Variants in SYNPO2 observed in about 807,000 individuals in gnomAD.
The protein encoded by SYNPO2 is synaptopodin-2.
In SYNPO2, 56 loss-of-function variants were observed where a neutral mutation model predicts 85.0. That is an observed-to-expected ratio of 0.66 (90% confidence interval 0.53 to 0.82). The LOEUF (loss-of-function observed/expected upper bound fraction) is 0.82. SYNPO2 is among the 40% of genes least tolerant of loss of function. The probability of loss-of-function intolerance (pLI) is 0.00; values close to 1 mark genes in which losing one functional copy is unlikely to be tolerated. For synonymous variants in SYNPO2, 602 were observed against 591.1 expected, an observed-to-expected ratio of 1.02 and a Z score of -0.27; for missense variants, 1,575 against 1,534.2, an observed-to-expected ratio of 1.03 and a Z score of -0.44.
At chr4:118,998,275 G>A (rs138926607) in intron 1 of SYNPO2, among the ~76,000 whole-genome samples, 26 of 152,274 alleles carry the variant, frequency 1.7e-4, no homozygotes, top group Admixed American at 3.3e-4. Context: ...CAAGGATGAA[G>A]CATTATTTGT....
chr4:118,860,173 C>T (rs1398587687), intron 1 of SYNPO2, among the ~76,000 whole-genome samples: 1 of 152,170 alleles, frequency 6.6e-6, no homozygotes, highest in Non-Finnish European at 1.5e-5. Context: ...TAACATTAAA[C>T]ACCTTTTCAC....
chr4:118,881,165 A>G (rs1298821059), intron 1 of SYNPO2, among the ~76,000 whole-genome samples: 1 of 151,662 alleles, frequency 6.6e-6, no homozygotes, highest in African/African-American at 2.4e-5. Context: ...AGCCGGGTGT[A>G]GTGGCGGGCG....
At chr4:118,893,973 A>G (rs896889590) in intron 1 of SYNPO2, among the ~76,000 whole-genome samples, 3 of 151,750 alleles carry the variant, frequency 2.0e-5, no homozygotes, top group East Asian at 1.9e-4. Context: ...GTACCCCATA[A>G]TACATGCAAC....
intron 1 of SYNPO2, among the ~76,000 whole-genome samples, chr4:118,916,054 A>G (rs1338671438): frequency 6.6e-6 from 1 of 152,062 alleles, no homozygotes; most frequent in East Asian, 1.9e-4. Context: ...TTTTCATATT[A>G]CGCTTTGTTC....
rs531661502 is a variant in SYNPO2 at position 118,990,171 on chromosome 4, A to G, written c.106-33259A>G. ...TGTTTTCTCCTCTGCAAGTATGGGTAATAATACCTATCATATTGGATTATT... is the reference window on the plus strand; with the variant it reads ...TGTTTTCTCCTCTGCAAGTATGGGTGATAATACCTATCATATTGGATTATT... On this transcript the variant is annotated intron_variant, in intron 1 of 4. Coordinates refer to ENST00000307142, the MANE Select transcript of SYNPO2 (RefSeq NM_133477.3). 5.0e-4 allele frequency among the ~76,000 whole-genome samples: 76 copies of G among 152,250 alleles called. No individual in the cohort carries two copies. The South Asian group carries it at 0.014, about 29-fold the overall frequency.
intron 1 of SYNPO2, among the ~76,000 whole-genome samples, chr4:118,894,877 C>T (rs916897884): frequency 3.3e-5 from 5 of 151,306 alleles, no homozygotes; most frequent in African/African-American, 1.2e-4. Flanking sequence ...GAAGAATATA[C>T]ACTTCTTGTT....
intron 4 of SYNPO2, among the ~76,000 whole-genome samples, chr4:119,051,284 G>T (rs1033372920): frequency 7.5e-6 from 1 of 134,028 alleles, no homozygotes; most frequent in African/African-American, 2.8e-5. Flanking sequence ...CCGCCTCCCG[G>T]GTTCACGCCA....
At chr4:119,006,364 A>T (rs750444407) in intron 1 of SYNPO2, 1 of 152,216 alleles carries the variant, frequency 6.6e-6, no homozygotes, top group Non-Finnish European at 1.5e-5. Context: ...CAAACACCAA[A>T]GAATCTTCTA....
intron 1 of SYNPO2, among the ~76,000 whole-genome samples, chr4:119,016,270 A>T (rs981826842): frequency 2.2e-4 from 34 of 152,266 alleles, no homozygotes; most frequent in African/African-American, 7.9e-4. Context: ...AAAAATACAA[A>T]AATTAGCTGT....
At chr4:118,976,952 C>T (rs189060846) in intron 1 of SYNPO2, among the ~76,000 whole-genome samples, 25 of 152,350 alleles carry the variant, frequency 1.6e-4, no homozygotes, top group Admixed American at 1.4e-3. Flanking sequence ...AGACTCTCCA[C>T]GTCCCCACCA....
intron 1 of SYNPO2, among the ~76,000 whole-genome samples, chr4:118,974,509 T>C (rs910418714): frequency 6.6e-6 from 1 of 152,246 alleles, no homozygotes; most frequent in African/African-American, 2.4e-5. Flanking sequence ...CTATCCCTAA[T>C]TGATATGTTC....
intron 1 of SYNPO2, among the ~76,000 whole-genome samples, chr4:118,928,949 T>A (rs1343092717): frequency 6.6e-6 from 1 of 152,210 alleles, no homozygotes; most frequent in Non-Finnish European, 1.5e-5. Context: ...AATCTTGTGA[T>A]AGACACACTT....
intron 4 of SYNPO2, 133 bp from the exon 5 acceptor site, chr4:119,057,268 C>A: frequency 9.4e-7 from 1 of 1,062,276 alleles, no homozygotes; most frequent in Non-Finnish European, 1.3e-6. Context: ...ACTAAGCATT[C>A]TGGGGGGTTA....
At chr4:118,970,605 A>G (rs1735503452) in intron 1 of SYNPO2, among the ~76,000 whole-genome samples, 1 of 152,240 alleles carries the variant, frequency 6.6e-6, no homozygotes, top group Non-Finnish European at 1.5e-5. Flanking sequence ...AAAGATAAAT[A>G]TACTTCCCAT....
intron 1 of SYNPO2, among the ~76,000 whole-genome samples, chr4:118,972,273 T>C (rs760692209): frequency 5.3e-5 from 8 of 152,002 alleles, no homozygotes; most frequent in Non-Finnish European, 1.2e-4. Context: ...AGACCCTGTC[T>C]CTACAAAAAA....
At chr4:118,989,457 T>C (rs1474221665) in intron 1 of SYNPO2, among the ~76,000 whole-genome samples, 2 of 152,242 alleles carry the variant, frequency 1.3e-5, no homozygotes, top group Non-Finnish European at 2.9e-5. Flanking sequence ...TTGTTTCATG[T>C]GTGATCATAT....
chr4:118,876,930 A>G (rs1731937108), intron 1 of SYNPO2, among the ~76,000 whole-genome samples: 1 of 151,524 alleles, frequency 6.6e-6, no homozygotes, highest in Non-Finnish European at 1.5e-5. Context: ...AGCTGGGACT[A>G]TAGGTACATG....
At chr4:118,897,411 C>A (rs1005255571) in intron 1 of SYNPO2, among the ~76,000 whole-genome samples, 6 of 152,048 alleles carry the variant, frequency 3.9e-5, no homozygotes, top group African/African-American at 1.4e-4. Context: ...ATAGATACTC[C>A]CCCTTCCTTC....
chr4:119,025,469 AGTTT>A (rs1279356570), intron 2 of SYNPO2, among the ~76,000 whole-genome samples: 1 of 152,144 alleles, frequency 6.6e-6, no homozygotes, highest in Admixed American at 6.5e-5. Context: ...TTTAACTGTT[AGTTT>A]GTTTTCATTT....
Sources: gnomAD v4.1 joint callset for allele counts (sites outside exome capture counted in the v4.1 genomes callset) on GRCh38, gnomAD v4.1.1 for gene constraint, MANE v1.5 for transcripts, NCBI Gene and HGNC (gene_info 2026-07-23, HGNC 2026-07-21) for gene names.